C12orf56: variants seen among roughly 807,000 people sequenced by gnomAD.
C12orf56 encodes the protein chromosome 12 open reading frame 56.
Under a neutral mutation model 69.9 loss-of-function variants are expected in C12orf56, and 71 were observed. That is an observed-to-expected ratio of 1.02 (90% CI 0.84 to 1.24). The LOEUF (loss-of-function observed/expected upper bound fraction) is 1.24. Among genes scored for constraint, C12orf56 ranks in the 50% most tolerant of loss-of-function variants. The pLI, the probability that C12orf56 is intolerant of heterozygous loss-of-function variation, is 0.00. For missense variants in C12orf56, 732 were observed against 738.5 expected, an observed-to-expected ratio of 0.99 and a Z score of 0.10; for synonymous variants, 276 against 274.1, an observed-to-expected ratio of 1.01 and a Z score of -0.07.
intron 5 of C12orf56, among the ~76,000 whole-genome samples, chr12:64,310,999 C>G (rs2038604182): frequency 6.6e-6 from 1 of 151,938 alleles, no homozygotes; most frequent in Admixed American, 6.6e-5. Context: ...ATAGTTTGCT[C>G]AGAATGATGG....
In C12orf56 at chr12:64,308,955, G is replaced by GAAA. The variant is rs1266309361; in HGVS notation, c.968+3721_968+3723dup. On this transcript the variant is annotated intron_variant, in intron 5 of 12. Transcript: ENST00000543942. The stretch of plus-strand genomic sequence containing the variant: ...AAGAAAGAAAGAAGAAAGAAAGAAA[G>GAAA]AAAGAAAGAAAGAAAGAAAAGAAAG... Among the ~76,000 whole-genome samples the GAAA allele has an allele frequency of 2.8e-4, 30 of 105,682 alleles. 1 individual carries two copies. The highest frequency in any genetic ancestry group is 6.1e-4 in the South Asian group (2 of 3,268). 69.3% of individuals were successfully genotyped at this position (105,682 alleles called of 152,430 possible). A position where few individuals can be genotyped will look rare whatever the true frequency, so the allele number is the denominator to read the frequency against.
At chr12:64,282,396 C>T (rs928773677) in intron 8 of C12orf56, among the ~76,000 whole-genome samples, 5 of 152,182 alleles carry the variant, frequency 3.3e-5, no homozygotes, top group African/African-American at 7.2e-5. Flanking sequence ...ACTGAGTAGA[C>T]GCAGCACAGA....
intron 12 of C12orf56, 86 bp from the exon 13 acceptor site, chr12:64,267,374 G>A (rs956335840): frequency 4.8e-6 from 5 of 1,047,204 alleles, no homozygotes; most frequent in South Asian, 1.4e-5. Flanking sequence ...ACACTCACTG[G>A]CTAGGGTTGT....
intron 1 of C12orf56, among the ~76,000 whole-genome samples, chr12:64,363,349 A>C (rs2039422264): frequency 6.6e-6 from 1 of 152,176 alleles, no homozygotes; most frequent in African/African-American, 2.4e-5. Flanking sequence ...TGTGAGGCTA[A>C]AAGGATAGGT....
chr12:64,355,811 AT>A (rs1565772019), intron 1 of C12orf56: 3 of 152,620 alleles, frequency 2.0e-5, no homozygotes, highest in Non-Finnish European at 4.4e-5. Context: ...AGGGTGGTAC[AT>A]CTCACACATG....
intron 1 of C12orf56, among the ~76,000 whole-genome samples, chr12:64,361,055 C>T (rs1217943291): frequency 6.6e-6 from 1 of 151,940 alleles, no homozygotes; most frequent in Non-Finnish European, 1.5e-5. Flanking sequence ...CTGGTCTCTA[C>T]TAAAAATACA....
chr12:64,373,226 A>G (rs1446762451), intron 1 of C12orf56, among the ~76,000 whole-genome samples: 2 of 152,058 alleles, frequency 1.3e-5, no homozygotes, highest in Non-Finnish European at 2.9e-5. Context: ...ATATGGAGGC[A>G]AGCAGATTAC....
intron 5 of C12orf56, among the ~76,000 whole-genome samples, chr12:64,306,544 C>T (rs754745692): frequency 6.6e-6 from 1 of 150,978 alleles, no homozygotes; most frequent in Non-Finnish European, 1.5e-5. Flanking sequence ...AATTTTTGTA[C>T]TTTTAGTAGA....
At chr12:64,280,470 G>A (rs1016520070) in intron 8 of C12orf56, among the ~76,000 whole-genome samples, 14 of 152,106 alleles carry the variant, frequency 9.2e-5, no homozygotes, top group Non-Finnish European at 1.6e-4. Flanking sequence ...GAAATCTAAC[G>A]TGGCTTCCAA....
intron 2 of C12orf56, among the ~76,000 whole-genome samples, chr12:64,339,024 C>G (rs1370133349): frequency 6.6e-6 from 1 of 152,234 alleles, no homozygotes; most frequent in Non-Finnish European, 1.5e-5. Flanking sequence ...CATTTTCCCA[C>G]AGTTCACTAT....
At chr12:64,367,705 T>C (rs1241615830) in intron 1 of C12orf56, among the ~76,000 whole-genome samples, 2 of 151,326 alleles carry the variant, frequency 1.3e-5, no homozygotes, top group Non-Finnish European at 2.9e-5. Flanking sequence ...GATTTCACCA[T>C]GTTGGCCAGG....
chr12:64,331,382 C>A (rs1050050844), intron 2 of C12orf56, among the ~76,000 whole-genome samples: 1 of 151,972 alleles, frequency 6.6e-6, no homozygotes, highest in Non-Finnish European at 1.5e-5. Flanking sequence ...GCATCTGTAG[C>A]CCCAGCTACT....
At chr12:64,280,315 G>A (rs904644159) in intron 8 of C12orf56, among the ~76,000 whole-genome samples, 2 of 152,034 alleles carry the variant, frequency 1.3e-5, no homozygotes, top group African/African-American at 4.8e-5. Flanking sequence ...CTTAAAAACA[G>A]TCCCAACAGT....
chr12:64,352,087 G>GT (rs1565770096), intron 2 of C12orf56, among the ~76,000 whole-genome samples: 3 of 105,536 alleles, frequency 2.8e-5, no homozygotes, highest in African/African-American at 1.1e-4. Context: ...AGGTTTTTTT[G>GT]TTTTTGTTTT....
chr12:64,371,578 T>C (rs139073481), intron 1 of C12orf56, among the ~76,000 whole-genome samples: 8,983 of 148,796 alleles, frequency 0.06, 891 homozygotes, highest in African/African-American at 0.21. Flanking sequence ...CATCTGTAAT[T>C]CCAGCACTTT....
intron 1 of C12orf56, among the ~76,000 whole-genome samples, chr12:64,385,264 C>G (rs1203847275): frequency 6.6e-6 from 1 of 152,154 alleles, no homozygotes; most frequent in African/African-American, 2.4e-5. Context: ...GCACTTTAAG[C>G]TCATTTTTGC....
At chr12:64,369,255 T>A (rs979836285) in intron 1 of C12orf56, among the ~76,000 whole-genome samples, 3 of 152,136 alleles carry the variant, frequency 2.0e-5, no homozygotes, top group African/African-American at 7.2e-5. Context: ...TGGAGTGCAG[T>A]GGCACAATCT....
At chr12:64,295,320 C>T (rs2038351063) in intron 6 of C12orf56, among the ~76,000 whole-genome samples, 1 of 152,182 alleles carries the variant, frequency 6.6e-6, no homozygotes, top group South Asian at 2.1e-4. Context: ...GCGAAACAGA[C>T]AGACATGTGT....
At chr12:64,356,197 A>C (rs924842835) in intron 1 of C12orf56, among the ~76,000 whole-genome samples, 1 of 151,618 alleles carries the variant, frequency 6.6e-6, no homozygotes, top group Non-Finnish European at 1.5e-5. Context: ...AAAAAAAAAA[A>C]AACCATACAT....
Sources: allele counts gnomAD v4.1 joint callset (sites outside exome capture counted in the v4.1 genomes callset), GRCh38; gene constraint gnomAD v4.1.1; transcripts MANE v1.5; gene names NCBI Gene and HGNC (gene_info 2026-07-23, HGNC 2026-07-21).